NINL: variants seen among roughly 807,000 people sequenced by gnomAD.
NINL encodes ninein-like protein.
A neutral mutation model predicts 160.3 loss-of-function variants in NINL; 153 were observed. The observed-to-expected ratio is 0.95, with a 90% CI of 0.84 to 1.09. NINL has a LOEUF of 1.09. Ranked by LOEUF, NINL falls within the 50% of genes least tolerant of loss-of-function variation. NINL has a pLI of 0.00. For synonymous variants in NINL, 800 were observed against 734.8 expected (o/e 1.09, Z -1.43); for missense variants, 1,829 against 1,764.0 (o/e 1.04, Z -0.66).
intron 17 of NINL, among the ~76,000 whole-genome samples, chr20:25,475,203 A>T (rs2063201864): frequency 6.6e-6 from 1 of 151,478 alleles, no homozygotes; most frequent in African/African-American, 2.4e-5. Flanking sequence ...GAGCCCAGAC[A>T]GCACCACTGC....
chr20:25,517,692 A>G, intron 3 of NINL, 61 bp downstream of exon 3: 1 of 1,278,488 alleles, frequency 7.8e-7, no homozygotes, highest in Non-Finnish European at 1.1e-6. Context: ...TCATTAGAAT[A>G]TTACACTCCA....
intron 1 of NINL, among the ~76,000 whole-genome samples, chr20:25,576,701 A>T (rs2065119500): frequency 6.6e-6 from 1 of 151,956 alleles, no homozygotes; most frequent in African/African-American, 2.4e-5. Context: ...AACTCAAGAG[A>T]TCCTCTCACC....
intron 5 of NINL, among the ~76,000 whole-genome samples, chr20:25,505,469 GCACA>G (rs1209357783): frequency 6.6e-6 from 1 of 152,162 alleles, no homozygotes; most frequent in Non-Finnish European, 1.5e-5. Context: ...AGTGTTCTCA[GCACA>G]CACACATAAC....
chr20:25,521,927 CTTTTT>C (rs891433632), intron 2 of NINL, among the ~76,000 whole-genome samples: 1 of 151,644 alleles, frequency 6.6e-6, no homozygotes, highest in African/African-American at 2.4e-5. Flanking sequence ...ATTTACTACA[CTTTTT>C]TTTTGTTTGT....
chr20:25,536,193 G>C (rs983911185), intron 1 of NINL, among the ~76,000 whole-genome samples: 3 of 152,074 alleles, frequency 2.0e-5, no homozygotes, highest in African/African-American at 4.8e-5. Context: ...TACACACTTC[G>C]GCAAAATAAG....
chr20:25,473,553 G>A (rs1300326180), intron 17 of NINL, among the ~76,000 whole-genome samples: 1 of 146,992 alleles, frequency 6.8e-6, no homozygotes, highest in African/African-American at 2.5e-5. Flanking sequence ...AGGCCTGGTG[G>A]CTCAGGCCTT....
intron 13 of NINL, among the ~76,000 whole-genome samples, chr20:25,485,566 C>A (rs1020411027): frequency 2.6e-5 from 4 of 152,206 alleles, no homozygotes; most frequent in Non-Finnish European, 4.4e-5. Flanking sequence ...GGTACTTATA[C>A]ACCTTTTTCT....
intron 3 of NINL, among the ~76,000 whole-genome samples, chr20:25,515,962 A>G (rs746570986): frequency 5.9e-5 from 9 of 151,782 alleles, no homozygotes; most frequent in Non-Finnish European, 1.3e-4. Context: ...TTTTTAGTAG[A>G]GACGGGGTTT....
chr20:25,568,598 A>G (rs2065020058), intron 1 of NINL, among the ~76,000 whole-genome samples: 1 of 151,592 alleles, frequency 6.6e-6, no homozygotes, highest in African/African-American at 2.4e-5. Context: ...TTTTGTAGAG[A>G]CAGTGTCTCA....
At chr20:25,467,513 T>C (rs1161239035) in intron 18 of NINL, 55 bp from the exon 19 acceptor site, 26 of 1,370,412 alleles carry the variant, frequency 1.9e-5, no homozygotes, top group African/African-American at 2.8e-5. Context: ...CAGTGCCTTC[T>C]TTCCTGGTCA....
In NINL at chr20:25,533,300, G is replaced by A. The variant is rs760442778; in HGVS notation, c.-11-6702C>T. 2.6e-5 allele frequency among the ~76,000 whole-genome samples: 4 copies of A among 151,952 alleles called. No individual in the cohort carries two copies. In the East Asian group the frequency reaches 7.7e-4, roughly 29 times the overall value. On this transcript the variant is annotated intron_variant, in intron 1 of 23. Coordinates refer to ENST00000278886, the MANE Select transcript of NINL (RefSeq NM_025176.6). ...GGCTGAGCCCAAAACACACACACGC[G>A]CACACAGAAAAATTGCACTACCCAG...
intron 6 of NINL, among the ~76,000 whole-genome samples, chr20:25,504,438 A>G (rs1003448116): frequency 2.0e-5 from 3 of 152,204 alleles, no homozygotes. Flanking sequence ...TGTGAGGCCC[A>G]GCAAGGACAC....
intron 17 of NINL, among the ~76,000 whole-genome samples, chr20:25,472,341 A>ATATGTG (rs1467089159): frequency 2.6e-4 from 26 of 101,296 alleles, no homozygotes; most frequent in African/African-American, 1.3e-3. Context: ...ATATATATAT[A>ATATGTG]TATATATATA....
chr20:25,472,999 C>A (rs2063142336), intron 17 of NINL, among the ~76,000 whole-genome samples: 1 of 152,316 alleles, frequency 6.6e-6, no homozygotes, highest in Middle Eastern at 3.4e-3. Flanking sequence ...AAAGAATAAA[C>A]TGTGGTATGT....
At chr20:25,455,590 G>A in intron 23 of NINL, 83 bp downstream of exon 23, 2 of 947,536 alleles carry the variant, frequency 2.1e-6, no homozygotes, top group Non-Finnish European at 1.7e-6. Context: ...GCCTTTTCCT[G>A]TATTAGCTAC....
Position 25,479,128 on chromosome 20 carries a change from T to C in NINL, c.1996A>G (p.Arg666Gly). The change falls in exon 16 of 24, where the codon AGG becomes GGG. Residue 666 changes from arginine to glycine, a missense_variant. By Grantham distance (125) the Arg-to-Gly change is moderately radical. Transcript: ENST00000278886. ...KERKDMEQAR[R>G]REVSVLEGQK... ...CCCTCCAGCACGCTGACCTCGCGCC[T>C]GCGAGCCTGCTCCATGTCCTTCCTC... 6 of 1,613,848 alleles carry C rather than the reference T, an allele frequency of 3.7e-6. No homozygotes were observed. The highest frequency in any genetic ancestry group is 1.1e-5 in the South Asian group (1 of 91,076).
At chr20:25,537,040 C>T (rs1486010754) in intron 1 of NINL, among the ~76,000 whole-genome samples, 1 of 152,160 alleles carries the variant, frequency 6.6e-6, no homozygotes, top group African/African-American at 2.4e-5. Flanking sequence ...GAGATGAAGG[C>T]AACAGAGCGG....
chr20:25,489,374 G>A, intron 12 of NINL, 50 bp from the exon 13 acceptor site: 1 of 1,540,930 alleles, frequency 6.5e-7, no homozygotes, highest in East Asian at 2.2e-5. Flanking sequence ...GGCCAGAGGG[G>A]GACCTGCTTC....
chr20:25,522,865 C>G (rs1025871375), intron 2 of NINL, among the ~76,000 whole-genome samples: 2 of 152,200 alleles, frequency 1.3e-5, no homozygotes, highest in African/African-American at 4.8e-5. Context: ...CATCCCATCT[C>G]TGCATGATCT....
Sources: gnomAD v4.1 joint callset for allele counts (sites outside exome capture counted in the v4.1 genomes callset) on GRCh38, gnomAD v4.1.1 for gene constraint, MANE v1.5 for transcripts, NCBI Gene and HGNC (gene_info 2026-07-23, HGNC 2026-07-21) for gene names.